Variants in NUSAP1 observed in about 807,000 individuals in gnomAD.
The protein encoded by NUSAP1 is nucleolar and spindle-associated protein 1.
Under a neutral mutation model 52.8 loss-of-function variants are expected in NUSAP1, and 32 were observed. The observed-to-expected ratio is 0.61, with a 90% CI of 0.46 to 0.81. The LOEUF is 0.81. NUSAP1 is among the 40% of genes least tolerant of loss of function. The pLI is 0.00. For synonymous variants in NUSAP1, 195 were observed against 183.1 expected (o/e 1.06, Z -0.52); for missense variants, 499 against 522.3 (o/e 0.96, Z 0.43).
At chr15:41,375,428 G>A (rs28458941) in intron 8 of NUSAP1, among the ~76,000 whole-genome samples, 26,823 of 151,818 alleles carry the variant, frequency 0.18, 3,084 homozygotes, top group Non-Finnish European at 0.25. Context: ...CACCCGACTC[G>A]GCCTCTCAAA....
intron 2 of NUSAP1, 72 bp from the exon 3 acceptor site, chr15:41,349,026 C>T (rs563719795): frequency 1.2e-4 from 181 of 1,448,964 alleles, no homozygotes; most frequent in Non-Finnish European, 1.7e-4. Flanking sequence ...TTTATTCTGT[C>T]TCAATTCTGA....
Position 41,356,145 on chromosome 15 carries a change from G to GGAAA in NUSAP1, c.550+5_550+6insGAAA. The GGAAA allele has an allele frequency of 6.5e-7, 1 of 1,539,734 alleles. No homozygotes were observed. Among genetic ancestry groups the GGAAA allele is most frequent in the Non-Finnish European group, 8.9e-7 (1 of 1,120,930 alleles). On this transcript the variant is annotated splice_donor_region_variant and intron_variant, in intron 5 of 10. Transcript: ENST00000559596. ...GAACTGCAATCACTACTCCAAGTAA[G>GGAAA]TTTTGTAGACAAAGCCATAATAAGT...
chr15:41,345,563 G>A (rs1435013307), intron 2 of NUSAP1: 9 of 372,750 alleles, frequency 2.4e-5, no homozygotes, highest in Admixed American at 3.8e-5. Flanking sequence ...GAGTTAAAGC[G>A]ATTCTCCTGC....
At chr15:41,344,991 C>T (rs2048509115) in intron 2 of NUSAP1, among the ~76,000 whole-genome samples, 1 of 152,044 alleles carries the variant, frequency 6.6e-6, no homozygotes, top group African/African-American at 2.4e-5. Context: ...CAACCTAATA[C>T]ATGGAAACAA....
At chr15:41,350,956 C>G (rs757467371) in intron 3 of NUSAP1, 32 bp from the exon 4 acceptor site, 2 of 1,563,670 alleles carry the variant, frequency 1.3e-6, no homozygotes, top group East Asian at 2.3e-5. Context: ...TATTTATCAT[C>G]GAAATCTTTT....
chr15:41,333,176 T>C, intron 1 of NUSAP1, 126 bp downstream of exon 1: 1 of 693,964 alleles, frequency 1.4e-6, no homozygotes, highest in South Asian at 1.6e-5. Context: ...CCTCGGGCAG[T>C]AGATGTGGTT....
intron 7 of NUSAP1, among the ~76,000 whole-genome samples, chr15:41,369,037 C>T (rs2049548165): frequency 6.6e-6 from 1 of 151,220 alleles, no homozygotes. Flanking sequence ...CAGGTGTGAA[C>T]CACCACACCT....
intron 1 of NUSAP1, among the ~76,000 whole-genome samples, chr15:41,338,969 A>C (rs1447394269): frequency 6.6e-6 from 1 of 152,118 alleles, no homozygotes; most frequent in African/African-American, 2.4e-5. Flanking sequence ...TGTCTCCAAA[A>C]AAAAAAATAA....
intron 3 of NUSAP1, among the ~76,000 whole-genome samples, chr15:41,350,547 G>C (rs757250681): frequency 6.6e-6 from 1 of 152,062 alleles, no homozygotes. Flanking sequence ...TTTGGACAGC[G>C]TTATCTTCTA....
intron 4 of NUSAP1, among the ~76,000 whole-genome samples, chr15:41,355,739 C>T (rs1267693600): frequency 4.6e-5 from 7 of 150,984 alleles, no homozygotes; most frequent in Admixed American, 3.3e-4. Flanking sequence ...TGCAGTTGCG[C>T]GATCTCGGCT....
intron 1 of NUSAP1, among the ~76,000 whole-genome samples, chr15:41,338,758 C>A (rs1341796177): frequency 6.6e-6 from 1 of 152,026 alleles, no homozygotes; most frequent in Non-Finnish European, 1.5e-5. Flanking sequence ...GAGTTCAAGG[C>A]CGGCCTGGCC....
chr15:41,375,216 T>C (rs997724853), intron 8 of NUSAP1, among the ~76,000 whole-genome samples: 7 of 149,286 alleles, frequency 4.7e-5, no homozygotes, highest in African/African-American at 1.5e-4. Context: ...TCGCTCTTGT[T>C]GCCCAAGCTG....
At chr15:41,360,582 C>T (rs932213379) in intron 6 of NUSAP1, among the ~76,000 whole-genome samples, 1 of 152,098 alleles carries the variant, frequency 6.6e-6, no homozygotes, top group African/African-American at 2.4e-5. Flanking sequence ...TCCCAAAGTG[C>T]TGGGATCACA....
At chr15:41,355,732 A>G (rs1181739073) in intron 4 of NUSAP1, among the ~76,000 whole-genome samples, 2 of 150,798 alleles carry the variant, frequency 1.3e-5, no homozygotes, top group African/African-American at 4.9e-5. Context: ...GCTGGAGTGC[A>G]GTTGCGCGAT....
chr15:41,332,905 C>G lies in NUSAP1; in HGVS notation c.-53C>G. ...AGTGGCGCCAGGGATTTGAACCGCG[C>G]TGACGAAGTTTGGTGATCCATCTTC... On this transcript the variant is annotated 5_prime_UTR_variant, in exon 1 of 11. Transcript: ENST00000559596. 2 of 1,419,102 alleles carry G rather than the reference C, an allele frequency of 1.4e-6. No individual in the cohort carries two copies. The highest frequency in any genetic ancestry group is 1.9e-5 in the Admixed American group (1 of 52,196). The allele number at this position is 1,419,102 out of a possible 1,614,324, so 87.9% of individuals were successfully genotyped here.
rs369971560 is a variant in NUSAP1, at chr15:41,365,557, C to T, written c.816C>T (p.Arg272=). ...STLGLKGSLK[R]SAISAAKTGV... Reference sequence around the variant, plus strand: ...TGGGTCTGAAGGGGTCACTCAAGCGCTCTGCTATCTCTGCAGCTAAAACGG... The same window carrying T: ...TGGGTCTGAAGGGGTCACTCAAGCGTTCTGCTATCTCTGCAGCTAAAACGG... The change falls in exon 7 of 11, where the codon CGC becomes CGT. Residue 272 remains arginine (R), a synonymous_variant. Coordinates refer to ENST00000559596, the MANE Select transcript of NUSAP1 (RefSeq NM_016359.5). 1.1e-4 allele frequency: 179 copies of T among 1,605,864 alleles called. No individual in the cohort carries two copies. In the African/African-American group the frequency reaches 2.1e-3, roughly 19 times the overall value.
At chr15:41,336,268 A>AAAT (rs113121358) in intron 1 of NUSAP1, among the ~76,000 whole-genome samples, 2,964 of 148,658 alleles carry the variant, frequency 0.02, 66 homozygotes, top group African/African-American at 0.045. Flanking sequence ...CTCCGTCTAA[A>AAAT]AATAATAATA....
intron 8 of NUSAP1, among the ~76,000 whole-genome samples, chr15:41,375,037 G>A (rs1254922386): frequency 2.1e-5 from 3 of 141,646 alleles, no homozygotes; most frequent in African/African-American, 5.3e-5. Context: ...CTGAGATGGA[G>A]TCTTGCTCTG....
chr15:41,379,928 G>A (rs2050142448), intron 10 of NUSAP1, among the ~76,000 whole-genome samples, 165 bp from the exon 11 acceptor site: 1 of 152,106 alleles, frequency 6.6e-6, no homozygotes, highest in Non-Finnish European at 1.5e-5. Flanking sequence ...TGACGAACAG[G>A]TGTTAGAAAC....
Sources: allele counts gnomAD v4.1 joint callset (sites outside exome capture counted in the v4.1 genomes callset), GRCh38; gene constraint gnomAD v4.1.1; transcripts MANE v1.5; gene names NCBI Gene and HGNC (gene_info 2026-07-23, HGNC 2026-07-21).